The following RBMS1 variants were observed in gnomAD, a reference collection of about 807,000 sequenced individuals.
RBMS1 encodes the protein RNA binding motif single stranded interacting protein 1, also known as RNA-binding motif, single-stranded-interacting protein 1.
A neutral mutation model predicts 62.3 loss-of-function variants in RBMS1; 17 were observed. The ratio of observed to expected loss-of-function variants is 0.27; its 90% confidence interval spans 0.19 to 0.41. RBMS1 has a LOEUF of 0.41. RBMS1 is among the 10% of genes least tolerant of loss of function. The pLI is 1.00. For missense variants in RBMS1, 334 were observed against 504.5 expected (o/e 0.66, Z 3.24); for synonymous variants, 172 against 170.0 (o/e 1.01, Z -0.09).
intron 1 of RBMS1, among the ~76,000 whole-genome samples, chr2:160,383,464 GA>G (rs55985692): frequency 6.9e-6 from 1 of 144,892 alleles, no homozygotes; most frequent in Non-Finnish European, 1.5e-5. Flanking sequence ...GGGGGGGGGG[GA>G]ACTGACCCAC....
chr2:160,388,513 G>A (rs761931632), intron 1 of RBMS1, among the ~76,000 whole-genome samples: 1 of 152,156 alleles, frequency 6.6e-6, no homozygotes, highest in African/African-American at 2.4e-5. Flanking sequence ...GGATTCCACA[G>A]CTAATCGGAA....
At position 160,454,125 on chromosome 2, in the gene RBMS1, T is replaced by C. The variant is rs1684111171; in HGVS notation, c.75+39164A>G. Among the ~76,000 whole-genome samples the C allele has an allele frequency of 2.6e-5, 4 of 152,244 alleles. No homozygotes were observed. The South Asian group carries it at 8.3e-4, about 32-fold the overall frequency. On this transcript the variant is annotated intron_variant, in intron 1 of 13. Coordinates refer to ENST00000348849, the MANE Select transcript of RBMS1 (RefSeq NM_016836.4). Reference sequence around the variant, plus strand: ...TACCTTTGTTGCTACATCCAGATCATATCTCAATAAATGTCTGTGTTGTTA... The same window carrying C: ...TACCTTTGTTGCTACATCCAGATCACATCTCAATAAATGTCTGTGTTGTTA...
chr2:160,287,009 G>C lies in RBMS1; in HGVS notation c.716C>G (p.Pro239Arg). 2 of 1,611,946 alleles carry C rather than the reference G, an allele frequency of 1.2e-6. No individual in the cohort carries two copies. The highest frequency in any genetic ancestry group is 2.2e-5 in the South Asian group (2 of 91,024). ...KKRQNPNKYI[P>R]NGRPWHREGE... The stretch of plus-strand genomic sequence containing the variant: ...TTCTCTATGCCATGGTCTTCCATTA[G>C]GGATGTATTTGTTTGGGTTCTGTCT... Residue 239 changes from proline to arginine, a missense_variant, in exon 7 of 14, where the codon CCT becomes CGT. Transcript: ENST00000348849.
chr2:160,366,942 A>T (rs990408460), intron 2 of RBMS1: 83 of 240,050 alleles, frequency 3.5e-4, no homozygotes, highest in Admixed American at 1.0e-3. Flanking sequence ...AGTTTTTTTT[A>T]AAAAAATTCA....
chr2:160,439,166 G>A (rs570439906), intron 1 of RBMS1, among the ~76,000 whole-genome samples: 6 of 151,082 alleles, frequency 4.0e-5, no homozygotes, highest in Admixed American at 6.6e-5. Context: ...CCTCCCTCCC[G>A]GACGGGGCGG....
chr2:160,306,128 C>A (rs900827546), intron 4 of RBMS1, among the ~76,000 whole-genome samples: 1 of 149,816 alleles, frequency 6.7e-6, no homozygotes, highest in African/African-American at 2.5e-5. Context: ...TTGTTTCTCT[C>A]GTGTGTGTGT....
At chr2:160,289,784 T>C (rs10929975) in intron 6 of RBMS1, among the ~76,000 whole-genome samples, 48,733 of 151,610 alleles carry the variant, frequency 0.32, 8,057 homozygotes, top group East Asian at 0.53. Context: ...CTTTGACAAT[T>C]GCTGTTCCAT....
chr2:160,347,300 C>T (rs1222040595), intron 2 of RBMS1, among the ~76,000 whole-genome samples: 1 of 152,092 alleles, frequency 6.6e-6, no homozygotes, highest in Non-Finnish European at 1.5e-5. Context: ...GCTCACAAGA[C>T]ATTTCAAACA....
intron 2 of RBMS1, among the ~76,000 whole-genome samples, chr2:160,360,655 G>A (rs1378880141): frequency 6.6e-6 from 1 of 152,060 alleles, no homozygotes; most frequent in Admixed American, 6.6e-5. Context: ...CACACCTCTT[G>A]GGCACTTCTT....
Position 160,313,526 on chromosome 2 carries a change from G to A in RBMS1, c.311-279C>T, listed in dbSNP as rs180696305. Reference sequence around the variant, plus strand: ...CGTGTCTTGTATTTACTGGTGGGGGGGAGACATCTAAGTTGCCAACCAAGT... The same window carrying A: ...CGTGTCTTGTATTTACTGGTGGGGGAGAGACATCTAAGTTGCCAACCAAGT... On this transcript the variant is annotated intron_variant, in intron 3 of 13. Transcript: ENST00000348849. Among the ~76,000 whole-genome samples, 172 of 151,572 alleles carry A rather than the reference G, an allele frequency of 1.1e-3. 1 individual carries two copies. The highest frequency in any genetic ancestry group is 2.0e-3 in the Non-Finnish European group (137 of 67,952).
chr2:160,369,225 G>A (rs1401871518), intron 1 of RBMS1, among the ~76,000 whole-genome samples: 1 of 152,156 alleles, frequency 6.6e-6, no homozygotes, highest in Non-Finnish European at 1.5e-5. Context: ...CCCTTAATGA[G>A]CAGCTGAACT....
At chr2:160,450,569 AAAAAAAAAAAC>A (rs1301415175) in intron 1 of RBMS1, among the ~76,000 whole-genome samples, 1 of 149,672 alleles carries the variant, frequency 6.7e-6, no homozygotes, top group East Asian at 1.9e-4. Flanking sequence ...AAAATGAAAA[AAAAAAAAAAAC>A]AAAAAACATT....
At chr2:160,351,322 A>G (rs1262035339) in intron 2 of RBMS1, among the ~76,000 whole-genome samples, 3 of 151,974 alleles carry the variant, frequency 2.0e-5, no homozygotes, top group African/African-American at 7.3e-5. Context: ...AACTTAAAGT[A>G]TAATAAATAA....
chr2:160,473,703 G>A (rs901834709), intron 1 of RBMS1, among the ~76,000 whole-genome samples: 1 of 152,048 alleles, frequency 6.6e-6, no homozygotes, highest in Non-Finnish European at 1.5e-5. Flanking sequence ...GCACATAATT[G>A]GTATAAAATA....
At chr2:160,367,968 T>G (rs936088959) in intron 1 of RBMS1, among the ~76,000 whole-genome samples, 12 of 152,238 alleles carry the variant, frequency 7.9e-5, no homozygotes, top group African/African-American at 2.6e-4. Context: ...TGGCTAACCT[T>G]GTGAAATTTA....
At chr2:160,452,858 A>T (rs1226555926) in intron 1 of RBMS1, among the ~76,000 whole-genome samples, 1 of 152,234 alleles carries the variant, frequency 6.6e-6, no homozygotes, top group African/African-American at 2.4e-5. Context: ...AGGAGAAATT[A>T]GGAGCTTATG....
intron 1 of RBMS1, among the ~76,000 whole-genome samples, chr2:160,457,286 A>G (rs1684279832): frequency 6.6e-6 from 1 of 151,962 alleles, no homozygotes; most frequent in Admixed American, 6.6e-5. Context: ...ATGCACCACC[A>G]CGCCCAGCTA....
intron 3 of RBMS1, among the ~76,000 whole-genome samples, chr2:160,315,484 C>A (rs959009831): frequency 6.6e-6 from 1 of 152,202 alleles, no homozygotes; most frequent in African/African-American, 2.4e-5. Flanking sequence ...AGTTATGTTA[C>A]TCCTGCTCTC....
chr2:160,304,452 G>A (rs929281019), intron 4 of RBMS1, among the ~76,000 whole-genome samples: 4 of 152,092 alleles, frequency 2.6e-5, no homozygotes, highest in African/African-American at 7.2e-5. Context: ...AAGTAACACC[G>A]ACACTCCAGG....
Sources: gnomAD v4.1 joint callset for allele counts (sites outside exome capture counted in the v4.1 genomes callset) on GRCh38, gnomAD v4.1.1 for gene constraint, MANE v1.5 for transcripts, NCBI Gene and HGNC (gene_info 2026-07-23, HGNC 2026-07-21) for gene names.